STARD13: variants seen among roughly 807,000 people sequenced by gnomAD.
The protein encoded by STARD13 is stAR-related lipid transfer protein 13.
In STARD13, 62 loss-of-function variants were observed where a neutral mutation model predicts 106.4. The observed-to-expected ratio is 0.58, with a 90% CI of 0.48 to 0.72. The LOEUF (loss-of-function observed/expected upper bound fraction) is 0.72, where lower values mean the gene tolerates loss of function less well. STARD13 is among the 30% of genes least tolerant of loss of function. STARD13 has a pLI of 0.00. For synonymous variants in STARD13, 565 were observed against 553.0 expected, an observed-to-expected ratio of 1.02 and a Z score of -0.31; for missense variants, 1,387 against 1,424.0, an observed-to-expected ratio of 0.97 and a Z score of 0.42.
chr13:33,668,462 T>C, the STARD13 span, among the ~76,000 whole-genome samples: 139 of 152,276 alleles, frequency 9.1e-4, 1 homozygote, highest in African/African-American at 3.1e-3. Flanking sequence ...TTGGTCAAAC[T>C]GGATTGCTAG....
At chr13:33,554,862 T>G in the STARD13 span, among the ~76,000 whole-genome samples, 1 of 152,180 alleles carries the variant, frequency 6.6e-6, no homozygotes, top group Non-Finnish European at 1.5e-5. Flanking sequence ...ATCAAAATTA[T>G]GTGTAATTTA....
the STARD13 span, among the ~76,000 whole-genome samples, chr13:33,421,713 C>G: frequency 2.0e-5 from 3 of 152,058 alleles, no homozygotes; most frequent in East Asian, 3.9e-4. Flanking sequence ...ACCAGCAAAC[C>G]GAATCCAGCA....
chr13:33,119,168 C>A (rs950756733), intron 7 of STARD13, among the ~76,000 whole-genome samples: 2 of 152,194 alleles, frequency 1.3e-5, no homozygotes, highest in African/African-American at 4.8e-5. Context: ...ACTTTCTGTG[C>A]TGGACTTACC....
the STARD13 span, among the ~76,000 whole-genome samples, chr13:33,501,078 C>CTTTTTTTTTTTTTTTTT: frequency 1.1e-5 from 1 of 94,096 alleles, no homozygotes; most frequent in African/African-American, 5.3e-5. Context: ...TCTCTCTCTC[C>CTTTTTTTTTTTTTTTTT]TTTTTTTTTT....
chr13:33,404,846 C>T, the STARD13 span, among the ~76,000 whole-genome samples: 1,523 of 150,824 alleles, frequency 0.01, 12 homozygotes, highest in Middle Eastern at 0.045. Flanking sequence ...GCATGGTCTC[C>T]GCTCACTGCA....
chr13:33,283,070 A>T (rs1387138487), intron 1 of STARD13, among the ~76,000 whole-genome samples: 2 of 152,140 alleles, frequency 1.3e-5, no homozygotes, highest in South Asian at 4.1e-4. Flanking sequence ...AAATAACTTG[A>T]CATCCTGTGT....
At chr13:33,159,117 G>A (rs562226199) in intron 3 of STARD13, among the ~76,000 whole-genome samples, 3 of 152,138 alleles carry the variant, frequency 2.0e-5, no homozygotes, top group Non-Finnish European at 2.9e-5. Context: ...GGAGCACTGT[G>A]GTGTCTAGTA....
chr13:33,543,582 TC>T, the STARD13 span, among the ~76,000 whole-genome samples: 1 of 152,232 alleles, frequency 6.6e-6, no homozygotes, highest in African/African-American at 2.4e-5. Context: ...GAAACAAATT[TC>T]CTTTAGAGTT....
upstream of STARD13, among the ~76,000 whole-genome samples, chr13:33,290,419 G>C: frequency 6.6e-6 from 1 of 152,176 alleles, no homozygotes; most frequent in East Asian, 1.9e-4. Flanking sequence ...TGATGTGTGT[G>C]CCCAACTCTG....
the STARD13 span, among the ~76,000 whole-genome samples, chr13:33,378,523 G>T: frequency 6.6e-6 from 1 of 152,198 alleles, no homozygotes; most frequent in Admixed American, 6.5e-5. Context: ...GGGCGCAGTG[G>T]CTCACGCCTG....
rs202133804 is a variant in STARD13 at position 33,340,644 on chromosome 13, T to C, written c.124+9646A>G. On this transcript the variant is annotated intron_variant, in intron 1 of 5. Coordinates refer to the STARD13 transcript ENST00000567873. ...ATATGCCATGATGCACTATAGATAATGAAGCCTCTATTGTACAAAAAACCA... is the reference window on the plus strand; with the variant it reads ...ATATGCCATGATGCACTATAGATAACGAAGCCTCTATTGTACAAAAAACCA... 4.6e-5 allele frequency among the ~76,000 whole-genome samples: 7 copies of C among 152,340 alleles called. No homozygotes were observed. The East Asian group carries it at 1.3e-3, about 29-fold the overall frequency.
chr13:33,458,423 T>C, the STARD13 span, among the ~76,000 whole-genome samples: 1 of 152,090 alleles, frequency 6.6e-6, no homozygotes, highest in African/African-American at 2.4e-5. Context: ...TATAAAAGCA[T>C]AACAAACTCA....
chr13:33,614,270 C>CGTGTGTGTGTGTGTGTGTGTGTGTGT, the STARD13 span, among the ~76,000 whole-genome samples: 40 of 145,152 alleles, frequency 2.8e-4, no homozygotes, highest in African/African-American at 7.2e-4. Context: ...ATACATTCTC[C>CGTGTGTGTGTGTGTGTGTGTGTGTGT]GTGTGTGTGT....
In STARD13 at chr13:33,177,998, GAAGGAAGGAAGGA is replaced by G. The variant is rs1366189107; in HGVS notation, c.170-10389_170-10377del. Among the ~76,000 whole-genome samples the G allele has an allele frequency of 2.2e-4, 11 of 50,124 alleles. 4 individuals are homozygous for G. The highest frequency in any genetic ancestry group is 3.7e-4 in the African/African-American group (4 of 10,854). The allele number at this position is 50,124 out of a possible 152,430, so 32.9% of individuals were successfully genotyped here. A position where few individuals can be genotyped will look rare whatever the true frequency, so the allele number is the denominator to read the frequency against. ...GAAGGAAGGAAGGAAAGGAAGGAAGGAAGGAAGGAAGGAAAGGAAGGAAGGAAGGAAGGAAGGA... is the reference window on the plus strand; with the variant it reads ...GAAGGAAGGAAGGAAAGGAAGGAAGGAAGGAAGGAAGGAAGGAAGGAAGGA... On this transcript the variant is annotated intron_variant, in intron 1 of 13. Transcript: ENST00000336934.
At chr13:33,386,687 G>C in the STARD13 span, among the ~76,000 whole-genome samples, 17 of 151,916 alleles carry the variant, frequency 1.1e-4, no homozygotes, top group Non-Finnish European at 2.2e-4. Flanking sequence ...GAGCCTTTTT[G>C]CCTTTATGTT....
At chr13:33,470,167 T>C in the STARD13 span, among the ~76,000 whole-genome samples, 2 of 152,140 alleles carry the variant, frequency 1.3e-5, no homozygotes, top group Non-Finnish European at 2.9e-5. Context: ...TCTGTTCCTG[T>C]GTTAGTTTGG....
At chr13:33,340,990 A>C (rs1225447153) in intron 1 of STARD13, among the ~76,000 whole-genome samples, 1 of 152,198 alleles carries the variant, frequency 6.6e-6, no homozygotes, top group African/African-American at 2.4e-5. Context: ...ATACTTATGG[A>C]CTAACTACAA....
chr13:33,499,584 T>TC, the STARD13 span, among the ~76,000 whole-genome samples: 15 of 69,852 alleles, frequency 2.1e-4, 2 homozygotes, highest in African/African-American at 6.9e-4. Context: ...TTCTTCTTCT[T>TC]CTTCTTCTTC....
chr13:33,500,833 C>T, the STARD13 span, among the ~76,000 whole-genome samples: 4 of 152,104 alleles, frequency 2.6e-5, no homozygotes, highest in Admixed American at 1.3e-4. Flanking sequence ...ACTCCAGTTT[C>T]TAACTCCTCA....
Sources: gnomAD v4.1 joint callset for allele counts (sites outside exome capture counted in the v4.1 genomes callset) on GRCh38, gnomAD v4.1.1 for gene constraint, MANE v1.5 for transcripts, NCBI Gene and HGNC (gene_info 2026-07-23, HGNC 2026-07-21) for gene names.